The following PLEKHG2 variants were observed in gnomAD, a reference collection of about 807,000 sequenced individuals.
PLEKHG2 encodes pleckstrin homology domain-containing family G member 2.
Under a neutral mutation model 104.4 loss-of-function variants are expected in PLEKHG2, and 71 were observed. The ratio of observed to expected loss-of-function variants is 0.68; its 90% confidence interval spans 0.56 to 0.83. PLEKHG2 has a LOEUF of 0.83. PLEKHG2 is among the 40% of genes least tolerant of loss of function. PLEKHG2 has a pLI of 0.00. For missense variants in PLEKHG2, 1,730 were observed against 1,809.4 expected, an observed-to-expected ratio of 0.96 and a Z score of 0.80; for synonymous variants, 728 against 737.0, an observed-to-expected ratio of 0.99 and a Z score of 0.20.
Position 39,423,823 on chromosome 19 carries a change from T to C in PLEKHG2, c.2690T>C (p.Val897Ala), listed in dbSNP as rs139696150. The C allele has an allele frequency of 9.3e-6, 15 of 1,614,070 alleles. No individual in the cohort carries two copies. Among genetic ancestry groups the C allele is most frequent in the Non-Finnish European group, 1.3e-5 (15 of 1,180,044 alleles). The change falls in exon 19 of 19, where the codon GTC (valine) becomes GCC (alanine). Residue 897 changes from valine to alanine, a missense_variant. Coordinates refer to ENST00000425673, the MANE Select transcript of PLEKHG2 (RefSeq NM_022835.3). ...AQESVPLGPA[V>A]WVQAAIPLSK... ...GAGTCTGTCCCCCTGGGTCCTGCTG[T>C]CTGGGTTCAAGCTGCCATACCTTTG...
Position 39,423,093 on chromosome 19 carries a change from C to A in PLEKHG2, c.2039C>A (p.Thr680Asn). 1 of 1,614,176 alleles carries A rather than the reference C, an allele frequency of 6.2e-7. No individual in the cohort carries two copies. Among genetic ancestry groups the A allele is most frequent in the Non-Finnish European group, 8.5e-7 (1 of 1,180,022 alleles). Residue 680 changes from threonine (T) to asparagine (N), a missense_variant, in exon 18 of 19, where the codon ACC (threonine) becomes AAC (asparagine). By Grantham distance (65) the Thr-to-Asn change is moderately conservative. Coordinates refer to ENST00000425673, the MANE Select transcript of PLEKHG2 (RefSeq NM_022835.3). Reference sequence around the variant, plus strand: ...CCAGCCATACCTAGTGTCCCCAACACCCCCAGTCTGTCTAGCACTCCCACC... The same window carrying A: ...CCAGCCATACCTAGTGTCCCCAACAACCCCAGTCTGTCTAGCACTCCCACC... ...CLPAIPSVPNTPSLSSTPTLS... is the reference protein window; with the variant it reads ...CLPAIPSVPNNPSLSSTPTLS...
At position 39,423,181 on chromosome 19, in the gene PLEKHG2, G is replaced by A. The variant is rs767210419; in HGVS notation, c.2127G>A (p.Arg709=). 4.3e-6 allele frequency: 7 copies of A among 1,612,830 alleles called. No individual in the cohort carries two copies. In the African/African-American group the frequency reaches 5.3e-5, roughly 12 times the overall value. Residue 709 remains arginine, a synonymous_variant, in exon 18 of 19, where the codon AGG becomes AGA. Coordinates refer to ENST00000425673, the MANE Select transcript of PLEKHG2 (RefSeq NM_022835.3). ...AACCAGCTGAGGCTCCAGCCACCAG[G>A]AGAGAACTGTTTTCTGGGAGCAATC... is the stretch of plus-strand genomic sequence containing the variant. ...LQEPAEAPAT[R]RELFSGSNPG...
rs755193526 is a variant in PLEKHG2, at chr19:39,423,556, G to A, written c.2502G>A (p.Ala834=). Residue 834 remains alanine, a synonymous_variant, in exon 18 of 19, where the codon GCG becomes GCA. Transcript: ENST00000425673. ...YSERIQQMQR[A]ETRASANAPR... is the part of the protein sequence containing the mutation. The stretch of plus-strand genomic sequence containing the variant: ...AGCGGATCCAGCAGATGCAGCGGGC[G>A]GAGACTCGGGCATCAGCCAATGCCC... The A allele has an allele frequency of 1.2e-5, 18 of 1,541,306 alleles. No homozygotes were observed. Among genetic ancestry groups the A allele is most frequent in the Admixed American group, 3.9e-5 (2 of 50,872 alleles).
In PLEKHG2 at chr19:39,423,088, C is replaced by T. The variant is rs1317378006; in HGVS notation, c.2034C>T (p.Pro678=). Reference sequence around the variant, plus strand: ...GCCTTCCAGCCATACCTAGTGTCCCCAACACCCCCAGTCTGTCTAGCACTC... The same window carrying T: ...GCCTTCCAGCCATACCTAGTGTCCCTAACACCCCCAGTCTGTCTAGCACTC... ...MPCLPAIPSV[P]NTPSLSSTPT... The change falls in exon 18 of 19, where the codon CCC becomes CCT. Residue 678 remains proline, a synonymous_variant. Transcript: ENST00000425673. 8 of 1,614,160 alleles carry T rather than the reference C, an allele frequency of 5.0e-6. No individual in the cohort carries two copies. Among genetic ancestry groups the T allele is most frequent in the Non-Finnish European group, 6.8e-6 (8 of 1,180,028 alleles).
chr19:39,425,183 G>T lies in PLEKHG2; in HGVS notation c.4050G>T (p.Arg1350=). The change falls in exon 19 of 19, where the codon CGG becomes CGT. Residue 1350 remains arginine (R), a synonymous_variant. Transcript: ENST00000425673. ...ACGTGGGCGGGGGTGGGCGGCTGCG[G>T]CCAGCCAAGGCCCAGGTCCGGTTGA... The part of the protein sequence containing the change: ...NIHVGGGGRL[R]PAKAQVRLNH... The T allele has an allele frequency of 6.2e-7, 1 of 1,604,518 alleles. No individual in the cohort carries two copies.
chr19:39,422,843 G>A lies in PLEKHG2; in HGVS notation c.1789G>A (p.Glu597Lys). The change falls in exon 18 of 19, where the codon GAG becomes AAG. Residue 597 changes from glutamate to lysine, a missense_variant. By Grantham distance (56) the Glu-to-Lys change is moderately conservative. Coordinates refer to ENST00000425673, the MANE Select transcript of PLEKHG2 (RefSeq NM_022835.3). ...CCGGGACTCTTCAGAAGAGGAGGAGGAGGAAGAGGAAGGGCTGGAGATGGA... is the reference window on the plus strand; with the variant it reads ...CCGGGACTCTTCAGAAGAGGAGGAGAAGGAAGAGGAAGGGCTGGAGATGGA... ...PSRDSSEEEE[E>K]EEEGLEMDER... 1 of 1,566,664 alleles carries A rather than the reference G, an allele frequency of 6.4e-7. No homozygotes were observed. Among genetic ancestry groups the A allele is most frequent in the African/African-American group, 1.3e-5 (1 of 74,078 alleles).
chr19:39,414,996 T>C lies in PLEKHG2; in HGVS notation c.114T>C (p.Pro38=). ...TCCTGTTCCACACCCCAGCAGCTCC[T>C]GCAGCCCCCACCATGGCCTCCCCCC... ...CGTVCETRTA[P]AAPTMASPRG... Residue 38 remains proline (P), a synonymous_variant, in exon 3 of 19, where the codon CCT becomes CCC. Transcript: ENST00000425673. 1 of 1,594,762 alleles carries C rather than the reference T, an allele frequency of 6.3e-7. No individual in the cohort carries two copies.
chr19:39,418,905 A>G lies in PLEKHG2; in HGVS notation c.1177-12A>G. ...CACCTGGCCCCCTGACTCTACTCCA[A>G]CCCACTCCTAGGCCAAGAACCAAGA... On this transcript the variant is annotated splice_polypyrimidine_tract_variant and intron_variant, in intron 10 of 18. Coordinates refer to ENST00000425673, the MANE Select transcript of PLEKHG2 (RefSeq NM_022835.3). 6.2e-7 allele frequency: 1 copy of G among 1,608,032 alleles called. No homozygotes were observed. The highest frequency in any genetic ancestry group is 8.5e-7 in the Non-Finnish European group (1 of 1,176,438).
In PLEKHG2 at chr19:39,427,939, A is replaced by T. The variant is rs2078800715; in HGVS notation, c.*2645A>T. 6.6e-6 allele frequency: 1 copy of T among 152,260 alleles called. No homozygotes were observed. The highest frequency in any genetic ancestry group is 2.4e-5 in the African/African-American group (1 of 41,450). The allele number at this position is 152,260 out of a possible 1,614,324, so 9.4% of individuals were successfully genotyped here. A position where few individuals can be genotyped will look rare whatever the true frequency, so the allele number is the denominator to read the frequency against. On this transcript the variant is annotated 3_prime_UTR_variant, in exon 19 of 19. Coordinates refer to ENST00000425673, the MANE Select transcript of PLEKHG2 (RefSeq NM_022835.3). ...CTGTCCTGGCCAGGTGCGGTGGCTC[A>T]CGCCTGTAATCCCAACACTTCGTGA... is the stretch of plus-strand genomic sequence containing the variant.
At position 39,425,034 on chromosome 19, in the gene PLEKHG2, C is replaced by T; in HGVS notation, c.3901C>T (p.Pro1301Ser). 6.3e-7 allele frequency: 1 copy of T among 1,598,458 alleles called. No homozygotes were observed. Residue 1301 changes from proline to serine, a missense_variant, in exon 19 of 19, where the codon CCC (proline) becomes TCC (serine). Physicochemically the swap from Pro to Ser is moderately conservative, Grantham distance 74 (BLOSUM62 -1). Coordinates refer to ENST00000425673, the MANE Select transcript of PLEKHG2 (RefSeq NM_022835.3). Reference sequence around the variant, plus strand: ...GCGGCAGGGGCCTGGGGGAGGGGCCCCCGCAGCCTCCCGGGGCTCCTGGTC... The same window carrying T: ...GCGGCAGGGGCCTGGGGGAGGGGCCTCCGCAGCCTCCCGGGGCTCCTGGTC... The part of the protein sequence containing the change: ...ARRQGPGGGA[P>S]AASRGSWSSA...
At chr19:39,421,552 C>T (rs920085171) in intron 16 of PLEKHG2, 6 of 529,840 alleles carry the variant, frequency 1.1e-5, no homozygotes, top group East Asian at 3.4e-5. Context: ...GCCAGGCACA[C>T]TAGTGCATGC....
chr19:39,414,098 A>T lies in PLEKHG2; in HGVS notation c.12A>T (p.Gly4=). 1 of 1,551,314 alleles carries T rather than the reference A, an allele frequency of 6.4e-7. No individual in the cohort carries two copies. Among genetic ancestry groups the T allele is most frequent in the Non-Finnish European group, 8.7e-7 (1 of 1,146,826 alleles). The change falls in exon 2 of 19, where the codon GGA becomes GGT. Residue 4 remains glycine, a synonymous_variant. Coordinates refer to ENST00000425673, the MANE Select transcript of PLEKHG2 (RefSeq NM_022835.3). MPE[G]AQGLSLSKPS... ...TGGGCCGCTCAGCCATGCCTGAGGG[A>T]GCCCAAGGACTGAGCCTCTCCAAAC...
Position 39,415,205 on chromosome 19 carries a change from G to A in PLEKHG2, c.323G>A (p.Arg108Gln), listed in dbSNP as rs772679708. ...ARPSRLERVA[R>Q]EIVETERAYV... ...CCCTCAAGGCTGGAGCGTGTGGCCC[G>A]GGAGATCGTGGAGACAGAACGGGCC... Residue 108 changes from arginine to glutamine, a missense_variant, in exon 3 of 19, where the codon CGG (arginine) becomes CAG (glutamine). Transcript: ENST00000425673. The surrounding 1 kb of genome is among the most constrained non-coding windows in gnomAD (Gnocchi z 4.6). The A allele has an allele frequency of 5.7e-6, 9 of 1,584,066 alleles. No individual in the cohort carries two copies. Among genetic ancestry groups the A allele is most frequent in the South Asian group, 3.4e-5 (3 of 87,546 alleles).
Position 39,424,957 on chromosome 19 carries a change from C to G in PLEKHG2, c.3824C>G (p.Ala1275Gly). The G allele has an allele frequency of 6.2e-7, 1 of 1,614,198 alleles. No homozygotes were observed. Among genetic ancestry groups the G allele is most frequent in the Non-Finnish European group, 8.5e-7 (1 of 1,180,030 alleles). ...CGTCAGCTCCTGGGCCCCAATGCAG[C>G]TGCCCTCTCCAGATACCTGGCAGCC... The part of the protein sequence containing the change: ...SSRQLLGPNA[A>G]ALSRYLAASY... Residue 1275 changes from alanine to glycine, a missense_variant, in exon 19 of 19, where the codon GCT (alanine) becomes GGT (glycine). Physicochemically the swap from Ala to Gly is moderately conservative, Grantham distance 60 (BLOSUM62 0). Coordinates refer to ENST00000425673, the MANE Select transcript of PLEKHG2 (RefSeq NM_022835.3).
chr19:39,416,868 G>A lies in PLEKHG2; in HGVS notation c.612G>A (p.Arg204=), dbSNP rs1485859380. 2 of 1,609,020 alleles carry A rather than the reference G, an allele frequency of 1.2e-6. No homozygotes were observed. Among genetic ancestry groups the A allele is most frequent in the East Asian group, 2.2e-5 (1 of 44,824 alleles). ...CCCCCAGCTCCCTGGCCCTGCTCCGGGAGCTGTCGTTGTCTCCGCCAGCAG... is the reference window on the plus strand; with the variant it reads ...CCCCCAGCTCCCTGGCCCTGCTCCGAGAGCTGTCGTTGTCTCCGCCAGCAG... The part of the protein sequence containing the change: ...MNYPSSLALL[R]ELSLSPPAAL... Residue 204 remains arginine, a synonymous_variant, in exon 7 of 19, where the codon CGG becomes CGA. Transcript: ENST00000425673. The surrounding 1 kb of genome is among the most constrained non-coding windows in gnomAD (Gnocchi z 4.5).
rs765968961 is a variant in PLEKHG2, at chr19:39,423,373, A to G, written c.2319A>G (p.Ala773=). 5 of 1,612,938 alleles carry G rather than the reference A, an allele frequency of 3.1e-6. No homozygotes were observed. The highest frequency in any genetic ancestry group is 1.7e-5 in the Admixed American group (1 of 59,752). The part of the protein sequence containing the change: ...SCSEIRSAWQ[A]LEQGQLARPG... ...CAGAAATCCGGAGCGCCTGGCAGGC[A>G]TTGGAACAGGGACAGCTGGCCCGGC... Residue 773 remains alanine (A), a synonymous_variant, in exon 18 of 19, where the codon GCA becomes GCG. Coordinates refer to ENST00000425673, the MANE Select transcript of PLEKHG2 (RefSeq NM_022835.3).
chr19:39,415,312 C>T lies in PLEKHG2; in HGVS notation c.379-27C>T, dbSNP rs574927794. Reference sequence around the variant, plus strand: ...GTGGGTACCCAGGCCAGCCCCTTGGCCCCCATAACCCCAGTCATCCCAACA... The same window carrying T: ...GTGGGTACCCAGGCCAGCCCCTTGGTCCCCATAACCCCAGTCATCCCAACA... On this transcript the variant is annotated intron_variant, in intron 3 of 18. Transcript: ENST00000425673. This position sits in a 1 kb window ranked among gnomAD's most constrained non-coding sequence, Gnocchi z 4.6. 5 of 1,611,032 alleles carry T rather than the reference C, an allele frequency of 3.1e-6. No individual in the cohort carries two copies. In the African/African-American group the frequency reaches 4.0e-5, roughly 13 times the overall value.
At chr19:39,414,878 C>T (rs140798454) in intron 2 of PLEKHG2, 114 bp from the exon 3 acceptor site, 2 of 1,236,662 alleles carry the variant, frequency 1.6e-6, no homozygotes, top group Non-Finnish European at 2.2e-6. Context: ...AGGAAGGAGC[C>T]TGTGGGAAAG....
chr19:39,417,720 T>C (rs1600651143), intron 8 of PLEKHG2, 28 bp downstream of exon 8: 1 of 1,340,448 alleles, frequency 7.5e-7, no homozygotes, highest in Non-Finnish European at 9.8e-7. Flanking sequence ...TGGGGCTTGC[T>C]GGATGAGGGA....
Sources: gnomAD v4.1 joint callset for allele counts on GRCh38, gnomAD v4.1.1 for gene constraint, Gnocchi (gnomAD v3.1) non-coding constraint, MANE v1.5 for transcripts, NCBI Gene and HGNC (gene_info 2026-07-23, HGNC 2026-07-21) for gene names.